Variants in UTRN observed in about 807,000 individuals in gnomAD.
The protein encoded by UTRN is dystrophin-related protein 1.
A neutral mutation model predicts 463.9 loss-of-function variants in UTRN; 283 were observed. The ratio of observed to expected loss-of-function variants is 0.61; its 90% confidence interval spans 0.55 to 0.67. UTRN has a LOEUF of 0.67. UTRN is among the 30% of genes least tolerant of loss of function. The pLI, the probability that UTRN is intolerant of heterozygous loss-of-function variation, is 0.00. For synonymous variants in UTRN, 1,442 were observed against 1,431.5 expected (o/e 1.01, Z -0.17); for missense variants, 3,922 against 4,084.3 (o/e 0.96, Z 1.08).
At chr6:144,760,025 A>G (rs1441796096) in intron 58 of UTRN, among the ~76,000 whole-genome samples, 1 of 152,154 alleles carries the variant, frequency 6.6e-6, no homozygotes, top group Non-Finnish European at 1.5e-5. Context: ...AAAATTAAAT[A>G]TCTTGCTTTA....
chr6:144,406,253 G>A (rs1783385019), intron 3 of UTRN, among the ~76,000 whole-genome samples: 1 of 152,014 alleles, frequency 6.6e-6, no homozygotes. Flanking sequence ...TTACCTTGTT[G>A]GAAAATTATC....
chr6:144,401,601 T>C (rs561453527), intron 2 of UTRN, among the ~76,000 whole-genome samples: 1 of 152,310 alleles, frequency 6.6e-6, no homozygotes, highest in Non-Finnish European at 1.5e-5. Context: ...GCAGTTTTGT[T>C]TTCTATACCA....
intron 3 of UTRN, among the ~76,000 whole-genome samples, chr6:144,418,255 C>T (rs1005859723): frequency 1.9e-4 from 29 of 150,258 alleles, no homozygotes; most frequent in Non-Finnish European, 3.1e-4. Flanking sequence ...GCTCTGTCAC[C>T]CAGGCTGGAG....
chr6:144,733,549 G>T (rs1364562152), intron 54 of UTRN, among the ~76,000 whole-genome samples: 1 of 149,980 alleles, frequency 6.7e-6, no homozygotes, highest in African/African-American at 2.4e-5. Context: ...AAGCCCTCCT[G>T]ATTTTTCAAC....
chr6:144,466,269 A>G (rs1562442911), intron 23 of UTRN, among the ~76,000 whole-genome samples: 1 of 152,180 alleles, frequency 6.6e-6, no homozygotes, highest in Non-Finnish European at 1.5e-5. Context: ...TTTCATGGCC[A>G]TGTGCTTGCT....
chr6:144,465,219 G>A (rs1299708141), intron 23 of UTRN, among the ~76,000 whole-genome samples: 3 of 152,152 alleles, frequency 2.0e-5, no homozygotes, highest in Admixed American at 1.3e-4. Context: ...TAACCTCAGA[G>A]TTAGTCTTCT....
chr6:144,613,065 G>T (rs1487384036), intron 51 of UTRN, among the ~76,000 whole-genome samples: 1 of 152,002 alleles, frequency 6.6e-6, no homozygotes. Context: ...TAGCATAAAT[G>T]AGCCTGGAAG....
At chr6:144,457,090 G>A (rs1295633655) in intron 19 of UTRN, among the ~76,000 whole-genome samples, 1 of 152,120 alleles carries the variant, frequency 6.6e-6, no homozygotes, top group Non-Finnish European at 1.5e-5. Flanking sequence ...TTAAACTCTG[G>A]ATCTCTGGGA....
rs752981461 is a variant in UTRN, at chr6:144,678,487, G to A, written c.7561G>A (p.Gly2521Arg). The change falls in exon 52 of 75, where the codon GGA (glycine) becomes AGA (arginine). Residue 2521 changes from glycine (G) to arginine (R), a missense_variant. By Grantham distance (125) the Gly-to-Arg change is moderately radical. This residue lies in a region of UTRN where 1,309 missense variants were observed against 1,452.6 expected (regional missense o/e 0.90). Transcript: ENST00000367545. ...GNRQKMVKAL[G>R]NSEEATMLQH... is the part of the protein sequence containing the mutation. ...CAGGCAGAAGATGGTAAAAGCTTTGGGAAATTCTGAAGAGGCTACTATGCT... is the reference window on the plus strand; with the variant it reads ...CAGGCAGAAGATGGTAAAAGCTTTGAGAAATTCTGAAGAGGCTACTATGCT... The A allele has an allele frequency of 6.2e-7, 1 of 1,613,222 alleles. No homozygotes were observed. Among genetic ancestry groups the A allele is most frequent in the East Asian group, 2.2e-5 (1 of 44,830 alleles).
intron 69 of UTRN, among the ~76,000 whole-genome samples, chr6:144,835,111 C>T (rs1780993507): frequency 6.6e-6 from 1 of 152,206 alleles, no homozygotes; most frequent in Non-Finnish European, 1.5e-5. Context: ...TCACTTATGT[C>T]AGTTACTAAT....
intron 51 of UTRN, among the ~76,000 whole-genome samples, chr6:144,671,116 G>A (rs1172444465): frequency 6.7e-6 from 1 of 149,282 alleles, no homozygotes; most frequent in Non-Finnish European, 1.5e-5. Context: ...TTGGCTATGT[G>A]GGGTCCTTTT....
chr6:144,470,959 G>C (rs986110846), intron 23 of UTRN, among the ~76,000 whole-genome samples: 1 of 150,780 alleles, frequency 6.6e-6, no homozygotes, highest in African/African-American at 2.4e-5. Flanking sequence ...AGGTTGCATT[G>C]AGCCGAGATG....
chr6:144,337,113 A>C (rs1006779311), intron 2 of UTRN, among the ~76,000 whole-genome samples: 1 of 151,740 alleles, frequency 6.6e-6, no homozygotes, highest in South Asian at 2.1e-4. Flanking sequence ...GCCACACACA[A>C]CACACACAGA....
At chr6:144,323,644 TTTCTCTCTTTCTCTTCCTTG>T (rs1445349630) in intron 2 of UTRN, among the ~76,000 whole-genome samples, 2 of 152,144 alleles carry the variant, frequency 1.3e-5, no homozygotes, top group South Asian at 2.1e-4. Flanking sequence ...TTTATTAAAA[TTTCTCTCTTTCTCTTCCTTG>T]TTCTCTCTTT....
At chr6:144,734,543 G>T (rs888427746) in intron 54 of UTRN, among the ~76,000 whole-genome samples, 32 of 152,036 alleles carry the variant, frequency 2.1e-4, no homozygotes, top group African/African-American at 7.7e-4. Flanking sequence ...CGTCTTCTGG[G>T]TTGCTCGGGC....
intron 51 of UTRN, among the ~76,000 whole-genome samples, chr6:144,639,933 A>C (rs1777598094): frequency 6.6e-6 from 1 of 152,222 alleles, no homozygotes; most frequent in Non-Finnish European, 1.5e-5. Flanking sequence ...AGGCATTATC[A>C]GGGGCAGGAG....
chr6:144,831,708 T>G (rs769654338), intron 69 of UTRN, among the ~76,000 whole-genome samples: 71 of 152,292 alleles, frequency 4.7e-4, no homozygotes, highest in Non-Finnish European at 9.0e-4. Flanking sequence ...ATAGGACTCA[T>G]GACGGTTCTG....
Position 144,711,967 on chromosome 6 carries a change from G to C in UTRN, c.7809+11724G>C, listed in dbSNP as rs184833261. Among the ~76,000 whole-genome samples, 624 of 150,476 alleles carry C rather than the reference G, an allele frequency of 4.1e-3. 4 individuals carry two copies. The highest frequency in any genetic ancestry group is 0.014 in the African/African-American group (594 of 41,234). ...AACACCCTACTGTTAAATTTAGGCT[G>C]TGTGTGTGTGTGTGTCTGTGCACAC... On this transcript the variant is annotated intron_variant, in intron 53 of 74. Transcript: ENST00000367545.
chr6:144,707,154 G>A lies in UTRN; in HGVS notation c.7809+6911G>A, dbSNP rs1785177039. 3 of 152,098 alleles carry A rather than the reference G, an allele frequency of 2.0e-5. No homozygotes were observed. In the South Asian group the frequency reaches 6.2e-4, roughly 32 times the overall value. The allele number at this position is 152,098 out of a possible 1,614,324, so 9.4% of individuals were successfully genotyped here. A position where few individuals can be genotyped will look rare whatever the true frequency, so the allele number is the denominator to read the frequency against. On this transcript the variant is annotated intron_variant, in intron 53 of 74. Coordinates refer to ENST00000367545, the MANE Select transcript of UTRN (RefSeq NM_007124.3). The stretch of plus-strand genomic sequence containing the variant: ...CTTTAACTATAAATTTCTTCCTAAT[G>A]AGAGAAATTAATACAAAAGATTTTG...
Sources: allele counts gnomAD v4.1 joint callset (sites outside exome capture counted in the v4.1 genomes callset), GRCh38; gene constraint gnomAD v4.1.1; regional missense constraint gnomAD v4.1.1; transcripts MANE v1.5; gene names NCBI Gene and HGNC (gene_info 2026-07-23, HGNC 2026-07-21).